The following PLXNA3 variants were observed in gnomAD, a reference collection of about 807,000 sequenced individuals.
PLXNA3 encodes plexin-A3.
In PLXNA3, 52 loss-of-function variants were observed where a neutral mutation model predicts 118.8. That is an observed-to-expected ratio of 0.44 (90% CI 0.35 to 0.55). The LOEUF (loss-of-function observed/expected upper bound fraction) is 0.55, where lower values mean the gene tolerates loss of function less well. PLXNA3 is among the 20% of genes least tolerant of loss of function. The pLI is 0.01. For missense variants in PLXNA3, 1,660 were observed against 1,730.8 expected, an observed-to-expected ratio of 0.96 and a Z score of 0.73; for synonymous variants, 925 against 762.4, an observed-to-expected ratio of 1.21 and a Z score of -3.51.
rs781848454 is a variant in PLXNA3, at chrX:154,467,516, C to T, written c.3442-29C>T. On this transcript the variant is annotated intron_variant, in intron 19 of 32. Transcript: ENST00000369682. ...GGGGAGGGGCGGGAAAGTGGAGAGT[C>T]CTGGGCTGAAGTTGTCCTCCACCCC... is the stretch of plus-strand genomic sequence containing the variant. 72 of 1,160,966 alleles carry T rather than the reference C, an allele frequency of 6.2e-5. No individual in the cohort carries two copies. In the African/African-American group the frequency reaches 1.2e-3, roughly 19 times the overall value.
rs782507474 is a variant in PLXNA3, at chrX:154,465,793, C to T, written c.2478C>T (p.Asn826=). The part of the protein sequence containing the change: ...LRTHCPAPKT[N]WMHLSQKGTR... ...CCCACTGCCCGGCCCCGAAGACCAA[C>T]TGGATGCACCTGAGCCAGAAGGGCA... Residue 826 remains asparagine (N), a synonymous_variant, in exon 13 of 33, where the codon AAC becomes AAT. Transcript: ENST00000369682. The T allele has an allele frequency of 1.4e-5, 17 of 1,206,828 alleles. No individual in the cohort carries two copies. Among genetic ancestry groups the T allele is most frequent in the Non-Finnish European group, 1.8e-5 (16 of 893,519 alleles).
rs1489229262 is a variant in PLXNA3 at position 154,461,137 on chromosome X, C to A, written c.633C>A (p.Ile211=). 2 of 1,206,115 alleles carry A rather than the reference C, an allele frequency of 1.7e-6. No homozygotes were observed. The highest frequency in any genetic ancestry group is 2.2e-6 in the Non-Finnish European group (2 of 890,844). Residue 211 remains isoleucine, a synonymous_variant, in exon 3 of 33, where the codon ATC becomes ATA. Coordinates refer to ENST00000369682, the MANE Select transcript of PLXNA3 (RefSeq NM_017514.5). The part of the protein sequence containing the change: ...QDEFVSSQIK[I]PSDTLSLYPA... ...AGTTTGTGTCCTCCCAGATCAAGATCCCCTCAGACACGCTGTCCTTGTACC... is the reference window on the plus strand; with the variant it reads ...AGTTTGTGTCCTCCCAGATCAAGATACCCTCAGACACGCTGTCCTTGTACC...
At position 154,468,497 on chromosome X, in the gene PLXNA3, G is replaced by A; in HGVS notation, c.4158G>A (p.Leu1386=). ...ATGCCACGGGGCTGCTCAAGCAACTGCTGGCCGACCTCATCGAGAAGAACC... is the reference window on the plus strand; with the variant it reads ...ATGCCACGGGGCTGCTCAAGCAACTACTGGCCGACCTCATCGAGAAGAACC... ...LDYATGLLKQ[L]LADLIEKNLE... is the part of the protein sequence containing the mutation. Residue 1386 remains leucine (L), a synonymous_variant, in exon 23 of 33, where the codon CTG becomes CTA. Coordinates refer to ENST00000369682, the MANE Select transcript of PLXNA3 (RefSeq NM_017514.5). 3 of 1,211,254 alleles carry A rather than the reference G, an allele frequency of 2.5e-6. No homozygotes were observed. The South Asian group carries it at 5.3e-5, about 21-fold the overall frequency.
At chrX:154,463,563 G>GGGC in intron 5 of PLXNA3, 27 bp from the exon 6 acceptor site, 1 of 990,589 alleles carries the variant, frequency 1.0e-6, no homozygotes. Context: ...GCGGGGGTGG[G>GGGC]CTGGGTGCTG....
rs147711697 is a variant in PLXNA3, at chrX:154,464,475, C to T, written c.1902C>T (p.Val634=). 3.3e-6 allele frequency: 4 copies of T among 1,207,647 alleles called. No individual in the cohort carries two copies. Among genetic ancestry groups the T allele is most frequent in the African/African-American group, 1.7e-5 (1 of 57,396 alleles). ...TGAGGTTTGCCGGTGCTGACTTTGT[C>T]TTCTACAACTGCAGCGTCCTCCAGT... is the stretch of plus-strand genomic sequence containing the variant. ...TGVRFAGADF[V]FYNCSVLQSC... The change falls in exon 9 of 33, where the codon GTC becomes GTT. Residue 634 remains valine (V), a synonymous_variant. Transcript: ENST00000369682.
rs1557207611 is a variant in PLXNA3, at chrX:154,467,442, G to A, written c.3412G>A (p.Val1138Ile). The part of the protein sequence containing the change: ...EPLGPSGVLD[V>I]KPGSHVVLKG... ...GCTGGGGCCCTCTGGCGTGCTGGAC[G>A]TCAAACCGGGCTCCCACGTGGTGCT... is the stretch of plus-strand genomic sequence containing the variant. Residue 1138 changes from valine to isoleucine, a missense_variant, in exon 19 of 33, where the codon GTC (valine) becomes ATC (isoleucine). Around this residue, in one of 2 missense-constraint regions of PLXNA3, gnomAD observed 869 missense variants for 1,078.7 expected, o/e 0.81. Transcript: ENST00000369682. The A allele has an allele frequency of 3.4e-6, 4 of 1,193,550 alleles. No homozygotes were observed. Among genetic ancestry groups the A allele is most frequent in the East Asian group, 3.0e-5 (1 of 33,293 alleles).
intron 25 of PLXNA3, 40 bp downstream of exon 25, chrX:154,469,009 A>G (rs2069140189): frequency 5.0e-6 from 6 of 1,210,011 alleles, no homozygotes; most frequent in Non-Finnish European, 6.7e-6. Flanking sequence ...AGGGGTGCAG[A>G]GAGAGGCCTC....
In PLXNA3 at chrX:154,462,316, C is replaced by T; in HGVS notation, c.1317+6C>T. 5 of 1,134,599 alleles carry T rather than the reference C, an allele frequency of 4.4e-6. No individual in the cohort carries two copies. Among genetic ancestry groups the T allele is most frequent in the Non-Finnish European group, 3.5e-6 (3 of 854,767 alleles). 93.5% of individuals were successfully genotyped at this position (1,134,599 alleles called of 1,213,427 possible). A position where few individuals can be genotyped will look rare whatever the true frequency, so the allele number is the denominator to read the frequency against. ...GCAGCGGCAGCTTGAAGAAGGTGGC[C>T]CCCAGAGCCCTGGGCATGTGGGGGT... On this transcript the variant is annotated splice_donor_region_variant and intron_variant, in intron 4 of 32. Coordinates refer to ENST00000369682, the MANE Select transcript of PLXNA3 (RefSeq NM_017514.5).
intron 2 of PLXNA3, 50 bp from the exon 3 acceptor site, chrX:154,461,049 A>T: frequency 9.5e-7 from 1 of 1,053,965 alleles, no homozygotes; most frequent in Non-Finnish European, 1.3e-6. Context: ...GTGGCCCGTG[A>T]TGTTGGCACA....
intron 4 of PLXNA3, among the ~76,000 whole-genome samples, chrX:154,462,601 G>C (rs1482393890): frequency 8.9e-6 from 1 of 112,177 alleles, no homozygotes; most frequent in Non-Finnish European, 1.9e-5. Flanking sequence ...ACGAGAGCAG[G>C]CCTGGGGCTG....
At position 154,461,531 on chromosome X, in the gene PLXNA3, A is replaced by G. The variant is rs2068961542; in HGVS notation, c.1027A>G (p.Ser343Gly). 7 of 1,210,026 alleles carry G rather than the reference A, an allele frequency of 5.8e-6. No individual in the cohort carries two copies. Among genetic ancestry groups the G allele is most frequent in the Non-Finnish European group, 7.8e-6 (7 of 895,007 alleles). ...RQTILCLFTL[S>G]NINAHIRRRI... The stretch of plus-strand genomic sequence containing the variant: ...GACCATCCTCTGCCTCTTCACCCTC[A>G]GCAACATCAATGCCCACATCCGGCG... The change falls in exon 3 of 33, where the codon AGC becomes GGC. Residue 343 changes from serine (S) to glycine (G), a missense_variant. Transcript: ENST00000369682.
Position 154,464,751 on chromosome X carries a change from C to T in PLXNA3, c.1929-3C>T. On this transcript the variant is annotated splice_polypyrimidine_tract_variant and splice_region_variant and intron_variant, in intron 9 of 32. Coordinates refer to ENST00000369682, the MANE Select transcript of PLXNA3 (RefSeq NM_017514.5). ...GTTATTTCTGAAGCCACTTCCCCCC[C>T]AGGTGCATGTCCTGTGTTGGCAGCC... is the stretch of plus-strand genomic sequence containing the variant. 1 of 1,145,390 alleles carries T rather than the reference C, an allele frequency of 8.7e-7. No homozygotes were observed. The highest frequency in any genetic ancestry group is 1.2e-6 in the Non-Finnish European group (1 of 850,389). 94.4% of individuals were successfully genotyped at this position (1,145,390 alleles called of 1,213,427 possible).
Position 154,465,140 on chromosome X carries a change from G to A in PLXNA3, c.2166G>A (p.Val722=). The stretch of plus-strand genomic sequence containing the variant: ...CGGGCCAGAAGAACTATGAGTGCGT[G>A]GTGCGGGTGCAGGGGCGGCAGCAGC... The part of the protein sequence containing the change: ...PQSGQKNYEC[V]VRVQGRQQRV... Residue 722 remains valine (V), a synonymous_variant, in exon 11 of 33, where the codon GTG becomes GTA. Transcript: ENST00000369682. The A allele has an allele frequency of 1.7e-6, 2 of 1,211,087 alleles. No individual in the cohort carries two copies. The highest frequency in any genetic ancestry group is 2.2e-6 in the Non-Finnish European group (2 of 895,386).
Position 154,466,670 on chromosome X carries a change from G to A in PLXNA3, c.2984G>A (p.Gly995Asp). ...IVCISPLSTL[G>D]PSQAPITLAI... is the part of the protein sequence containing the mutation. The stretch of plus-strand genomic sequence containing the variant: ...TGCATCTCACCTCTCTCCACCCTGG[G>A]CCCCAGCCAGGCCCCCATCACACTT... The change falls in exon 17 of 33, where the codon GGC (glycine) becomes GAC (aspartate). Residue 995 changes from glycine to aspartate, a missense_variant. Physicochemically the swap from Gly to Asp is moderately conservative, Grantham distance 94. Around this residue, in one of 2 missense-constraint regions of PLXNA3, gnomAD observed 869 missense variants for 1,078.7 expected, o/e 0.81. Coordinates refer to ENST00000369682, the MANE Select transcript of PLXNA3 (RefSeq NM_017514.5). 8.3e-7 allele frequency: 1 copy of A among 1,201,816 alleles called. No homozygotes were observed. The highest frequency in any genetic ancestry group is 1.8e-5 in the South Asian group (1 of 55,551).
At chrX:154,458,923 C>T (rs1391320320) in intron 1 of PLXNA3, among the ~76,000 whole-genome samples, 14 of 111,896 alleles carry the variant, frequency 1.3e-4, no homozygotes, top group Admixed American at 9.4e-4. Flanking sequence ...TGTTCCTAGG[C>T]TTGTGTTCCC....
rs189754429 is a variant in PLXNA3, at chrX:154,460,991, G to A, written c.595-108G>A. 2.9e-4 allele frequency: 228 copies of A among 782,420 alleles called. 1 individual carries two copies. The African/African-American group carries it at 4.1e-3, about 14-fold the overall frequency. 64.5% of individuals were successfully genotyped at this position (782,420 alleles called of 1,213,427 possible). A position where few individuals can be genotyped will look rare whatever the true frequency, so the allele number is the denominator to read the frequency against. On this transcript the variant is annotated intron_variant, in intron 2 of 32. Transcript: ENST00000369682. ...GCCCTCTGCAGCCTTTCTGGCCTGGGCCTCTGTGATCATCCAGGCGGGAGG... is the reference window on the plus strand; with the variant it reads ...GCCCTCTGCAGCCTTTCTGGCCTGGACCTCTGTGATCATCCAGGCGGGAGG...
In PLXNA3 at chrX:154,475,528, C is replaced by T. The variant is rs1360397804; in HGVS notation, c.*2843C>T. 1.8e-5 allele frequency: 2 copies of T among 112,448 alleles called. No homozygotes were observed. Among genetic ancestry groups the T allele is most frequent in the Non-Finnish European group, 3.8e-5 (2 of 53,283 alleles). The allele number at this position is 112,448 out of a possible 1,213,427, so 9.3% of individuals were successfully genotyped here. A position where few individuals can be genotyped will look rare whatever the true frequency, so the allele number is the denominator to read the frequency against. ...CCAGCTGTGGGGCCACGGTGCCAGA[C>T]AGTGGTGGTGGTTATAGGACCGTAG... On this transcript the variant is annotated 3_prime_UTR_variant, in exon 33 of 33. Coordinates refer to ENST00000369682, the MANE Select transcript of PLXNA3 (RefSeq NM_017514.5).
intron 1 of PLXNA3, 63 bp from the exon 2 acceptor site, chrX:154,460,094 G>T: frequency 1.6e-6 from 1 of 612,834 alleles, no homozygotes; most frequent in East Asian, 3.4e-5. Context: ...GCGGGGTGGT[G>T]GGTGAATGGC....
intron 1 of PLXNA3, among the ~76,000 whole-genome samples, chrX:154,459,170 C>A (rs1336422856): frequency 9.2e-6 from 1 of 108,963 alleles, no homozygotes; most frequent in Non-Finnish European, 1.9e-5. Flanking sequence ...CCCCGCTCCC[C>A]CCCCGCCTCC....
Sources: gnomAD v4.1 joint callset for allele counts (sites outside exome capture counted in the v4.1 genomes callset) on GRCh38, gnomAD v4.1.1 for gene constraint, gnomAD v4.1.1 regional missense constraint, MANE v1.5 for transcripts, NCBI Gene and HGNC (gene_info 2026-07-23, HGNC 2026-07-21) for gene names.